Variants in CENPE observed in about 807,000 individuals in gnomAD.
CENPE encodes centromere-associated protein E.
In CENPE, 145 loss-of-function variants were observed where a neutral mutation model predicts 336.1. That is an observed-to-expected ratio of 0.43 (90% confidence interval 0.38 to 0.50). The LOEUF (loss-of-function observed/expected upper bound fraction) is 0.50, where lower values mean the gene tolerates loss of function less well. CENPE is among the 20% of genes least tolerant of loss of function. The pLI is 0.00. For synonymous variants in CENPE, 1,013 were observed against 984.8 expected (o/e 1.03, Z -0.54); for missense variants, 2,719 against 3,023.3 (o/e 0.90, Z 2.36).
chr4:103,132,751 A>G lies in CENPE; in HGVS notation c.6866T>C (p.Ile2289Thr), dbSNP rs1412906912. Residue 2289 changes from isoleucine (I) to threonine (T), a missense_variant, in exon 42 of 49, where the codon ATC becomes ACC. Ile to Thr is a moderately conservative substitution (Grantham distance 89). This residue lies in a region of CENPE where 2,437 missense variants were observed against 2,513.3 expected (regional missense o/e 0.97). Coordinates refer to ENST00000265148, the MANE Select transcript of CENPE (RefSeq NM_001813.3). ...ACAAATCCTATCATTTTCTTTCTGGATGCCATTTTTAAGCTTTTCTATATC... is the reference window on the plus strand; with the variant it reads ...ACAAATCCTATCATTTTCTTTCTGGGTGCCATTTTTAAGCTTTTCTATATC... ...RFDIEKLKNG[I>T]QKENDRICQV... The G allele has an allele frequency of 3.2e-6, 5 of 1,573,226 alleles. No individual in the cohort carries two copies. In the African/African-American group the frequency reaches 6.8e-5, roughly 21 times the overall value.
chr4:103,194,600 T>C lies in CENPE; in HGVS notation c.559+3A>G, dbSNP rs1484047319. The C allele has an allele frequency of 2.5e-6, 4 of 1,602,360 alleles. No homozygotes were observed. The highest frequency in any genetic ancestry group is 3.4e-6 in the Non-Finnish European group (4 of 1,174,138). Reference sequence around the variant, plus strand: ...TCTAAAGAAATACAGCATAAAGTCTTACTTTCTCCCTTTGTAATCCATTTC... The same window carrying C: ...TCTAAAGAAATACAGCATAAAGTCTCACTTTCTCCCTTTGTAATCCATTTC... On this transcript the variant is annotated splice_donor_region_variant and intron_variant, in intron 6 of 48. Transcript: ENST00000265148.
At chr4:103,157,116 C>A (rs1380630867) in intron 24 of CENPE, among the ~76,000 whole-genome samples, 2 of 146,766 alleles carry the variant, frequency 1.4e-5, no homozygotes, top group African/African-American at 5.0e-5. Context: ...GCATATAAAC[C>A]AGAACACTTC....
At chr4:103,161,291 A>G (rs1265614782) in intron 19 of CENPE, 40 bp from the exon 20 acceptor site, 1 of 1,604,590 alleles carries the variant, frequency 6.2e-7, no homozygotes, top group Admixed American at 1.7e-5. Flanking sequence ...AAATACACTG[A>G]TCATTACAAC....
At chr4:103,107,835 T>TA (rs1209368048) in intron 48 of CENPE, among the ~76,000 whole-genome samples, 2 of 152,232 alleles carry the variant, frequency 1.3e-5, no homozygotes, top group East Asian at 3.8e-4. Flanking sequence ...CTGGTCACCT[T>TA]AGAGACGAGG....
chr4:103,109,489 T>C (rs1749200288), intron 47 of CENPE, among the ~76,000 whole-genome samples: 1 of 152,162 alleles, frequency 6.6e-6, no homozygotes, highest in Non-Finnish European at 1.5e-5. Flanking sequence ...GTAAAATAAA[T>C]ATTACACTGT....
At chr4:103,173,630 T>TTTTCAGAAATATTTGCAA (rs1212496499) in intron 16 of CENPE, among the ~76,000 whole-genome samples, 1 of 151,440 alleles carries the variant, frequency 6.6e-6, no homozygotes, top group Non-Finnish European at 1.5e-5. Flanking sequence ...TTGCAAAATA[T>TTTTCAGAAATATTTGCAA]ACATCTGACA....
rs1753171220 is a variant in CENPE at position 103,147,650 on chromosome 4, A to G, written c.3844-4T>C. ...GTTCCTCATGAAGCACTGGGATCTT[A>G]GGACATTCATAAAATACCAAGGTTA... On this transcript the variant is annotated splice_polypyrimidine_tract_variant and splice_region_variant and intron_variant, in intron 28 of 48. Transcript: ENST00000265148. The G allele has an allele frequency of 1.3e-6, 2 of 1,598,952 alleles. No individual in the cohort carries two copies. Among genetic ancestry groups the G allele is most frequent in the Non-Finnish European group, 1.7e-6 (2 of 1,175,504 alleles).
At chr4:103,157,067 A>T (rs1304484136) in intron 24 of CENPE, among the ~76,000 whole-genome samples, 1 of 151,538 alleles carries the variant, frequency 6.6e-6, no homozygotes, top group Non-Finnish European at 1.5e-5. Flanking sequence ...ATCAAAAAAA[A>T]AAAAAAAAAA....
At chr4:103,128,172 T>G (rs1469828766) in intron 42 of CENPE, among the ~76,000 whole-genome samples, 1 of 152,116 alleles carries the variant, frequency 6.6e-6, no homozygotes, top group Non-Finnish European at 1.5e-5. Flanking sequence ...CTATCAGGGA[T>G]AAAGGGACAT....
At chr4:103,176,694 G>T (rs1755897708) in intron 14 of CENPE, among the ~76,000 whole-genome samples, 1 of 151,930 alleles carries the variant, frequency 6.6e-6, no homozygotes, top group Non-Finnish European at 1.5e-5. Context: ...CAAGTAGCCG[G>T]GATTACAGGC....
chr4:103,193,238 G>T (rs981119388), intron 8 of CENPE, among the ~76,000 whole-genome samples: 3 of 151,912 alleles, frequency 2.0e-5, no homozygotes, highest in African/African-American at 4.8e-5. Context: ...AAAATTATAT[G>T]AAATATCACA....
intron 10 of CENPE, 115 bp downstream of exon 10, chr4:103,183,086 G>T: frequency 1.1e-6 from 1 of 914,430 alleles, no homozygotes; most frequent in Non-Finnish European, 1.6e-6. Context: ...ATATGTATAA[G>T]TTTTTGAATA....
At chr4:103,144,217 C>T (rs111281587) in intron 33 of CENPE, 114 bp downstream of exon 33, 18 of 827,124 alleles carry the variant, frequency 2.2e-5, no homozygotes, top group South Asian at 7.6e-5. Flanking sequence ...ATTACCGGCT[C>T]GAGCCACCGC....
At chr4:103,128,737 G>C (rs1445683379) in intron 42 of CENPE, among the ~76,000 whole-genome samples, 3 of 152,028 alleles carry the variant, frequency 2.0e-5, no homozygotes, top group Non-Finnish European at 4.4e-5. Context: ...AGTGTTTAGA[G>C]GAAAATTTAT....
Position 103,185,868 on chromosome 4 carries a change from G to A in CENPE, c.694-7C>T, listed in dbSNP as rs200858646. 7.3e-5 allele frequency: 117 copies of A among 1,598,252 alleles called. 3 individuals carry two copies. The South Asian group carries it at 1.2e-3, about 17-fold the overall frequency. The stretch of plus-strand genomic sequence containing the variant: ...CTGCAAGATCAACCAAATTCTGTAA[G>A]ATAGATAAAAATAAATCCTTAGGGC... On this transcript the variant is annotated splice_polypyrimidine_tract_variant and splice_region_variant and intron_variant, in intron 8 of 48. Coordinates refer to ENST00000265148, the MANE Select transcript of CENPE (RefSeq NM_001813.3).
In CENPE at chr4:103,163,507, T is replaced by A. The variant is rs1424186842; in HGVS notation, c.1694A>T (p.His565Leu). 3 of 1,596,386 alleles carry A rather than the reference T, an allele frequency of 1.9e-6. No individual in the cohort carries two copies. The South Asian group carries it at 3.4e-5, about 18-fold the overall frequency. The change falls in exon 17 of 49, where the codon CAT becomes CTT. Residue 565 changes from histidine to leucine, a missense_variant. His to Leu is a moderately conservative substitution (Grantham distance 99, BLOSUM62 -3). Around this residue, in one of 5 missense-constraint regions of CENPE, gnomAD observed 2,437 missense variants for 2,513.3 expected, o/e 0.97. Coordinates refer to ENST00000265148, the MANE Select transcript of CENPE (RefSeq NM_001813.3). ...AAGATCTTGATTATATACTTCTGCA[T>A]GCTTAACTAAATTCTTTAAGTTCGA... ...EISNLKNLVK[H>L]AEVYNQDLEN...
In CENPE at chr4:103,133,854, T is replaced by C; in HGVS notation, c.6561A>G (p.Gln2187=). Residue 2187 remains glutamine (Q), a synonymous_variant, in exon 41 of 49, where the codon CAA becomes CAG. Coordinates refer to ENST00000265148, the MANE Select transcript of CENPE (RefSeq NM_001813.3). Reference sequence around the variant, plus strand: ...TTTCAAATTTATTGATGGATTCATGTTGTTCTTCTTTTATTTTTGTAACAT... The same window carrying C: ...TTTCAAATTTATTGATGGATTCATGCTGTTCTTCTTTTATTTTTGTAACAT... The part of the protein sequence containing the change: ...LSYVTKIKEE[Q]HESINKFEMD... 1 of 1,594,758 alleles carries C rather than the reference T, an allele frequency of 6.3e-7. No individual in the cohort carries two copies.
intron 33 of CENPE, among the ~76,000 whole-genome samples, chr4:103,143,826 G>T (rs1357508837): frequency 6.6e-6 from 1 of 152,184 alleles, no homozygotes; most frequent in Admixed American, 6.5e-5. Context: ...GTTACAACTG[G>T]ACTTGTGGAT....
chr4:103,159,356 A>G (rs367849927), intron 21 of CENPE, 32 bp from the exon 22 acceptor site: 23 of 1,240,916 alleles, frequency 1.9e-5, no homozygotes, highest in Non-Finnish European at 2.5e-5. Flanking sequence ...TAGGGATGTT[A>G]GCAACATATG....
Sources: gnomAD v4.1 joint callset for allele counts (sites outside exome capture counted in the v4.1 genomes callset) on GRCh38, gnomAD v4.1.1 for gene constraint, gnomAD v4.1.1 regional missense constraint, MANE v1.5 for transcripts, NCBI Gene and HGNC (gene_info 2026-07-23, HGNC 2026-07-21) for gene names.